The following ELMO1 variants were observed in gnomAD, a reference collection of about 807,000 sequenced individuals.
The protein encoded by ELMO1 is engulfment and cell motility protein 1.
ELMO1 carries 26 observed loss-of-function variants against 98.9 expected under a neutral mutation model. That is an observed-to-expected ratio of 0.26 (90% CI 0.19 to 0.36). The LOEUF (loss-of-function observed/expected upper bound fraction) is 0.36. Among genes scored for constraint, ELMO1 ranks in the 10% least tolerant of loss-of-function variants. The probability of loss-of-function intolerance (pLI) is 1.00; values close to 1 mark genes in which losing one functional copy is unlikely to be tolerated. For missense variants in ELMO1, 627 were observed against 935.2 expected (o/e 0.67, Z 4.30); for synonymous variants, 346 against 346.0 (o/e 1.00, Z 0.00).
intron 2 of ELMO1, among the ~76,000 whole-genome samples, chr7:37,330,373 T>C (rs1583563412): frequency 6.6e-6 from 1 of 152,266 alleles, no homozygotes; most frequent in Non-Finnish European, 1.5e-5. Context: ...AATTCTCTCT[T>C]TAGCCAAATC....
At chr7:37,369,735 C>A (rs2700972) in intron 1 of ELMO1, among the ~76,000 whole-genome samples, 150,787 of 150,792 alleles carry the variant, frequency 1, 75,391 homozygotes, top group Middle Eastern at 1. Flanking sequence ...TCTGCTTATC[C>A]AAAGGTTTGA....
Position 37,360,141 on chromosome 7 carries a change from C to T in ELMO1, c.-73-17378G>A, listed in dbSNP as rs151214018. On this transcript the variant is annotated intron_variant, in intron 1 of 21. Transcript: ENST00000310758. ...CTTTGTGTGAGTTGAATATACTCTC[C>T]CTCCCCTTAGAGAAAGAACAGAGAG... Among the ~76,000 whole-genome samples the T allele has an allele frequency of 3.2e-3, 484 of 152,230 alleles. 4 individuals carry two copies. The highest frequency in any genetic ancestry group is 0.011 in the African/African-American group (462 of 41,542).
intron 16 of ELMO1, among the ~76,000 whole-genome samples, chr7:36,898,925 G>A (rs1806265762): frequency 6.6e-6 from 1 of 152,176 alleles, no homozygotes; most frequent in African/African-American, 2.4e-5. Flanking sequence ...TTCACTCCAT[G>A]AACACTCATG....
intron 6 of ELMO1, among the ~76,000 whole-genome samples, chr7:37,255,455 T>A (rs568914574): frequency 2.0e-5 from 3 of 152,306 alleles, no homozygotes; most frequent in African/African-American, 7.2e-5. Context: ...TGGTATTTTG[T>A]TATGGCAGCC....
At chr7:37,013,504 G>A (rs1266521486) in intron 15 of ELMO1, 69 bp from the exon 16 acceptor site, 1 of 1,542,074 alleles carries the variant, frequency 6.5e-7, no homozygotes, top group East Asian at 2.3e-5. Flanking sequence ...ATAACCACAG[G>A]TATGTGCCCC....
chr7:37,135,943 GA>G (rs1336921448), intron 13 of ELMO1, among the ~76,000 whole-genome samples: 1 of 152,186 alleles, frequency 6.6e-6, no homozygotes, highest in Non-Finnish European at 1.5e-5. Context: ...AGGCGGCAGA[GA>G]AAGTTGAGGT....
chr7:37,311,002 T>C (rs1798862495), intron 4 of ELMO1, among the ~76,000 whole-genome samples: 1 of 149,768 alleles, frequency 6.7e-6, no homozygotes, highest in Admixed American at 6.6e-5. Flanking sequence ...TTTTTTATTC[T>C]CTCCCTCTCT....
At chr7:37,216,505 T>A in intron 11 of ELMO1, 140 bp downstream of exon 11, 2 of 984,658 alleles carry the variant, frequency 2.0e-6, no homozygotes, top group Non-Finnish European at 3.1e-6. Flanking sequence ...AAACTCACTT[T>A]TTCCTTCATT....
At position 37,096,879 on chromosome 7, in the gene ELMO1, A is replaced by G. The variant is rs1784388679; in HGVS notation, c.1192-152T>C. On this transcript the variant is annotated intron_variant, in intron 14 of 21. Transcript: ENST00000310758. Reference sequence around the variant, plus strand: ...CAGGACAAAATAGTACTCCAAGTATACAGGACCGAAAAGTCTCATTTATCC... The same window carrying G: ...CAGGACAAAATAGTACTCCAAGTATGCAGGACCGAAAAGTCTCATTTATCC... 9 of 718,158 alleles carry G rather than the reference A, an allele frequency of 1.3e-5. No homozygotes were observed. In the South Asian group the frequency reaches 1.5e-4, roughly 12 times the overall value. 44.5% of individuals were successfully genotyped at this position (718,158 alleles called of 1,614,324 possible).
Position 37,206,745 on chromosome 7 carries a change from C to T in ELMO1, c.1086+4641G>A, listed in dbSNP as rs540100848. On this transcript the variant is annotated intron_variant, in intron 13 of 21. Transcript: ENST00000310758. ...TTCACATTTTAGTCATTTTTCCCTC[C>T]AGGATGATCCTGAAATATGATGAAA... Among the ~76,000 whole-genome samples, 112 of 152,034 alleles carry T rather than the reference C, an allele frequency of 7.4e-4. 2 individuals carry two copies. The highest frequency in any genetic ancestry group is 1.1e-3 in the Non-Finnish European group (77 of 67,998).
At chr7:36,993,285 A>G (rs1791990810) in intron 16 of ELMO1, among the ~76,000 whole-genome samples, 1 of 152,208 alleles carries the variant, frequency 6.6e-6, no homozygotes, top group Non-Finnish European at 1.5e-5. Flanking sequence ...GTTTAAACCC[A>G]GTTGTTTTAA....
intron 6 of ELMO1, among the ~76,000 whole-genome samples, chr7:37,257,330 T>C (rs965599060): frequency 2.0e-5 from 3 of 152,250 alleles, no homozygotes; most frequent in Admixed American, 6.5e-5. Context: ...GGCTCATGCC[T>C]GTAATCCCAG....
chr7:37,099,936 C>A (rs73335542), intron 14 of ELMO1, among the ~76,000 whole-genome samples: 1 of 151,700 alleles, frequency 6.6e-6, no homozygotes. Context: ...CAAGCTCAAG[C>A]GATTCTCCTG....
At chr7:37,080,377 A>G (rs1261903291) in intron 15 of ELMO1, among the ~76,000 whole-genome samples, 1 of 152,020 alleles carries the variant, frequency 6.6e-6, no homozygotes, top group African/African-American at 2.4e-5. Flanking sequence ...CGTAGAGTAA[A>G]AGCCAAATTG....
chr7:37,106,970 G>A (rs544652303), intron 14 of ELMO1, among the ~76,000 whole-genome samples: 14 of 152,168 alleles, frequency 9.2e-5, no homozygotes, highest in Non-Finnish European at 1.8e-4. Flanking sequence ...TGATGCTGAC[G>A]CTGCAAGTCC....
At position 37,381,673 on chromosome 7, in the gene ELMO1, G is replaced by A. The variant is rs143739331; in HGVS notation, c.-73-38910C>T. Among the ~76,000 whole-genome samples the A allele has an allele frequency of 9.7e-4, 148 of 152,192 alleles. 1 individual carries two copies. Among genetic ancestry groups the A allele is most frequent in the Admixed American group, 4.5e-3 (69 of 15,296 alleles). On this transcript the variant is annotated intron_variant, in intron 1 of 21. Coordinates refer to ENST00000310758, the MANE Select transcript of ELMO1 (RefSeq NM_014800.11). ...CTTGAACCATCCACAAACCAATGTC[G>A]AGGGAAATTTATCTCTAGAACATGA... is the stretch of plus-strand genomic sequence containing the variant.
intron 1 of ELMO1, among the ~76,000 whole-genome samples, chr7:37,413,482 T>C (rs748686668): frequency 9.8e-5 from 15 of 152,308 alleles, no homozygotes; most frequent in Middle Eastern, 6.8e-3. Context: ...AAATACCAGT[T>C]GGTACAACCT....
intron 2 of ELMO1, among the ~76,000 whole-genome samples, chr7:37,318,131 G>C (rs998239433): frequency 1.2e-4 from 19 of 152,194 alleles, no homozygotes; most frequent in African/African-American, 4.1e-4. Flanking sequence ...ATAAGTCCTA[G>C]GCCTTTGCAA....
rs1479168474 is a variant in ELMO1, at chr7:37,331,355, T to TTTTTTTTTC, written c.78+11257_78+11258insGAAAAAAAA. On this transcript the variant is annotated intron_variant, in intron 2 of 21. Transcript: ENST00000310758. ...TGGCTTTTTTTTTTTTTTTTTTTTT[T>TTTTTTTTTC]GGAATTTTAGTAGAGACAGGGTTTC... Among the ~76,000 whole-genome samples, 202 of 105,668 alleles carry TTTTTTTTTC rather than the reference T, an allele frequency of 1.9e-3. 33 individuals are homozygous for TTTTTTTTTC. The highest frequency in any genetic ancestry group is 7.0e-3 in the African/African-American group (195 of 27,810). The allele number at this position is 105,668 out of a possible 152,430, so 69.3% of individuals were successfully genotyped here.
Sources: gnomAD v4.1 joint callset for allele counts (sites outside exome capture counted in the v4.1 genomes callset) on GRCh38, gnomAD v4.1.1 for gene constraint, MANE v1.5 for transcripts, NCBI Gene and HGNC (gene_info 2026-07-23, HGNC 2026-07-21) for gene names.